TEF: variants seen among roughly 807,000 people sequenced by gnomAD.
TEF encodes thyrotroph embryonic factor.
Under a neutral mutation model 20.8 loss-of-function variants are expected in TEF, and 3 were observed. The ratio of observed to expected loss-of-function variants is 0.14; its 90% CI spans 0.07 to 0.37. The LOEUF (loss-of-function observed/expected upper bound fraction) is 0.37, where lower values mean the gene tolerates loss of function less well. Ranked by LOEUF, TEF falls within the 10% of genes least tolerant of loss-of-function variation. The pLI is 1.00. For missense variants in TEF, 296 were observed against 397.9 expected, an observed-to-expected ratio of 0.74 and a Z score of 2.18; for synonymous variants, 180 against 171.1, an observed-to-expected ratio of 1.05 and a Z score of -0.41.
At chr22:41,375,842 G>A (rs900289682) in intron 1 of TEF, among the ~76,000 whole-genome samples, 2 of 152,078 alleles carry the variant, frequency 1.3e-5, no homozygotes, top group Admixed American at 6.5e-5. Context: ...ATAGGGTGGG[G>A]ATTTTTTCAA....
intron 1 of TEF, among the ~76,000 whole-genome samples, chr22:41,385,153 C>T (rs548435599): frequency 1.3e-5 from 2 of 152,092 alleles, no homozygotes; most frequent in East Asian, 2.0e-4. Context: ...CACCTGAGGT[C>T]GGGAGTTCAA....
At chr22:41,378,661 A>G (rs536945963), upstream of TEF, among the ~76,000 whole-genome samples, 1 of 151,820 alleles carries the variant, frequency 6.6e-6, no homozygotes, top group East Asian at 2.0e-4. Flanking sequence ...TAATAGAGAC[A>G]GGGTTTCACC....
intron 2 of TEF, among the ~76,000 whole-genome samples, chr22:41,392,102 A>T (rs2037173924): frequency 6.6e-6 from 1 of 152,324 alleles, no homozygotes; most frequent in Non-Finnish European, 1.5e-5. Context: ...ATTATTTTGT[A>T]TACTCCTATC....
chr22:41,382,642 G>A (rs1256920100), intron 1 of TEF, among the ~76,000 whole-genome samples: 1 of 152,120 alleles, frequency 6.6e-6, no homozygotes, highest in Non-Finnish European at 1.5e-5. Context: ...AGTTTAGGAA[G>A]CGCAGGCCTA....
chr22:41,382,268 G>T lies in TEF; in HGVS notation c.157+67G>T, dbSNP rs937778659. ...TTATACAGGGGCGGGGCCTCGTGAGGGCGGGGCCGGGGAGGCAGTGGGTCA... is the reference window on the plus strand; with the variant it reads ...TTATACAGGGGCGGGGCCTCGTGAGTGCGGGGCCGGGGAGGCAGTGGGTCA... On this transcript the variant is annotated intron_variant, in intron 1 of 3. Coordinates refer to ENST00000266304, the MANE Select transcript of TEF (RefSeq NM_003216.4). The T allele has an allele frequency of 2.7e-6, 3 of 1,111,378 alleles. No individual in the cohort carries two copies. The African/African-American group carries it at 4.9e-5, about 18-fold the overall frequency. 68.8% of individuals were successfully genotyped at this position (1,111,378 alleles called of 1,614,324 possible).
chr22:41,395,710 AAGACGAG>A (rs2037219161), intron 3 of TEF, 28 bp from the exon 4 acceptor site: 2 of 1,600,596 alleles, frequency 1.2e-6, no homozygotes, highest in Non-Finnish European at 1.7e-6. Flanking sequence ...CTCGTGGGGA[AAGACGAG>A]AGACTCACAG....
At chr22:41,379,584 G>A (rs975269576), upstream of TEF, among the ~76,000 whole-genome samples, 3 of 151,980 alleles carry the variant, frequency 2.0e-5, no homozygotes, top group Admixed American at 1.3e-4. Context: ...AGGAAAAAAC[G>A]CTGGGTGCGG....
chr22:41,375,490 C>A (rs537098606), intron 1 of TEF, among the ~76,000 whole-genome samples: 16 of 152,176 alleles, frequency 1.1e-4, no homozygotes, highest in Non-Finnish European at 1.6e-4. Flanking sequence ...GTGGCACACG[C>A]CTGTAATCCC....
chr22:41,384,554 G>A (rs2037072791), intron 1 of TEF, among the ~76,000 whole-genome samples: 1 of 152,190 alleles, frequency 6.6e-6, no homozygotes, highest in Admixed American at 6.5e-5. Context: ...TGAAAAGACA[G>A]CTCCAGGCCC....
In TEF at chr22:41,399,310, A is replaced by G. The variant is rs1024831454; in HGVS notation, c.*3350A>G. On this transcript the variant is annotated 3_prime_UTR_variant, in exon 4 of 4. Coordinates refer to ENST00000266304, the MANE Select transcript of TEF (RefSeq NM_003216.4). ...ATGTATCCTTTTCAGACAAAATTAA[A>G]TATTTTGAAATGAGAATGTTGGGAT... 6.6e-6 allele frequency: 1 copy of G among 152,362 alleles called. No individual in the cohort carries two copies. Among genetic ancestry groups the G allele is most frequent in the Non-Finnish European group, 1.5e-5 (1 of 68,054 alleles). The allele number at this position is 152,362 out of a possible 1,614,324, so 9.4% of individuals were successfully genotyped here. A position where few individuals can be genotyped will look rare whatever the true frequency, so the allele number is the denominator to read the frequency against.
At chr22:41,374,445 G>A (rs900624418) in intron 1 of TEF, among the ~76,000 whole-genome samples, 38 of 151,842 alleles carry the variant, frequency 2.5e-4, no homozygotes, top group Non-Finnish European at 5.6e-4. Flanking sequence ...CCAGCTACTC[G>A]GTAGGCTGAG....
intron 3 of TEF, 29 bp downstream of exon 3, chr22:41,394,345 T>C (rs2037202496): frequency 1.9e-6 from 3 of 1,602,572 alleles, no homozygotes; most frequent in Admixed American, 3.4e-5. Flanking sequence ...TAAATAAAGA[T>C]GCAGCGTTGG....
intron 2 of TEF, among the ~76,000 whole-genome samples, chr22:41,388,360 A>C (rs1181875509): frequency 6.6e-6 from 1 of 151,764 alleles, no homozygotes; most frequent in Non-Finnish European, 1.5e-5. Flanking sequence ...GTCTTGGCTC[A>C]CTGCAACCTC....
At chr22:41,383,289 CCT>C (rs1415933485) in intron 1 of TEF, among the ~76,000 whole-genome samples, 5 of 152,162 alleles carry the variant, frequency 3.3e-5, no homozygotes, top group Non-Finnish European at 7.3e-5. Context: ...GTGAGGCCAG[CCT>C]CTCTCCTCCT....
intron 1 of TEF, among the ~76,000 whole-genome samples, chr22:41,375,476 CG>C (rs2036928882): frequency 6.6e-6 from 1 of 152,068 alleles, no homozygotes; most frequent in East Asian, 1.9e-4. Flanking sequence ...TGCGGCCGGG[CG>C]TGGTGGCACA....
upstream of TEF, among the ~76,000 whole-genome samples, chr22:41,378,590 C>A (rs369103416): frequency 1.3e-5 from 2 of 152,024 alleles, no homozygotes; most frequent in African/African-American, 4.8e-5. Flanking sequence ...GTGATCCTCC[C>A]GGCTCGGCCT....
In TEF at chr22:41,398,413, G is replaced by A. The variant is rs972259790; in HGVS notation, c.*2453G>A. On this transcript the variant is annotated 3_prime_UTR_variant, in exon 4 of 4. Coordinates refer to ENST00000266304, the MANE Select transcript of TEF (RefSeq NM_003216.4). The stretch of plus-strand genomic sequence containing the variant: ...AGGCTAGAGAAGTTGACTTTACCTT[G>A]GCTTTCTGTGGGTTCCCGATGGGCT... 6.5e-6 allele frequency: 1 copy of A among 153,660 alleles called. No individual in the cohort carries two copies. Among genetic ancestry groups the A allele is most frequent in the Non-Finnish European group, 1.5e-5 (1 of 68,050 alleles). The allele number at this position is 153,660 out of a possible 1,614,324, so 9.5% of individuals were successfully genotyped here.
intron 1 of TEF, among the ~76,000 whole-genome samples, chr22:41,372,999 G>C (rs540437341): frequency 1.3e-5 from 2 of 152,152 alleles, no homozygotes; most frequent in Non-Finnish European, 2.9e-5. Flanking sequence ...AGGCTGGAGA[G>C]ACCCGAAGGG....
chr22:41,387,199 T>C, intron 1 of TEF, 152 bp from the exon 2 acceptor site: 2 of 848,424 alleles, frequency 2.4e-6, no homozygotes, highest in Admixed American at 2.8e-5. Flanking sequence ...AAGTGCGAGA[T>C]TCGAACTGGA....
Sources: gnomAD v4.1 joint callset for allele counts (sites outside exome capture counted in the v4.1 genomes callset) on GRCh38, gnomAD v4.1.1 for gene constraint, MANE v1.5 for transcripts, NCBI Gene and HGNC (gene_info 2026-07-23, HGNC 2026-07-21) for gene names.